Variants in RALYL observed in about 807,000 individuals in gnomAD.
RALYL encodes the protein RNA-binding Raly-like protein.
Under a neutral mutation model 35.1 loss-of-function variants are expected in RALYL, and 29 were observed. The observed-to-expected ratio is 0.83, with a 90% CI of 0.61 to 1.13. RALYL has a LOEUF of 1.13. RALYL is among the 50% of genes most tolerant of loss of function. RALYL has a pLI of 0.00. For synonymous variants in RALYL, 120 were observed against 127.6 expected, an observed-to-expected ratio of 0.94 and a Z score of 0.40; for missense variants, 359 against 360.4, an observed-to-expected ratio of 1.00 and a Z score of 0.03.
intron 1 of RALYL, among the ~76,000 whole-genome samples, chr8:84,278,262 A>T (rs1472823345): frequency 1.3e-5 from 2 of 152,266 alleles, no homozygotes; most frequent in African/African-American, 4.8e-5. Flanking sequence ...CCTGAGCTGT[A>T]CATCGGCCCC....
chr8:84,547,645 C>A (rs1437751865), intron 2 of RALYL, among the ~76,000 whole-genome samples: 1 of 152,032 alleles, frequency 6.6e-6, no homozygotes, highest in Non-Finnish European at 1.5e-5. Flanking sequence ...TCCCAAAGTG[C>A]TGGGATTACA....
chr8:84,674,979 A>G (rs1833924632), intron 2 of RALYL, among the ~76,000 whole-genome samples: 1 of 133,792 alleles, frequency 7.5e-6, no homozygotes, highest in Non-Finnish European at 1.5e-5. Flanking sequence ...GTGCAGATGT[A>G]AAAAAAAAAA....
intron 1 of RALYL, among the ~76,000 whole-genome samples, chr8:84,485,308 A>C (rs749923055): frequency 6.6e-6 from 1 of 152,106 alleles, no homozygotes; most frequent in Non-Finnish European, 1.5e-5. Context: ...TACTGATATG[A>C]CTGGGAACGG....
At chr8:84,840,399 T>C (rs900999313) in intron 4 of RALYL, among the ~76,000 whole-genome samples, 1 of 151,754 alleles carries the variant, frequency 6.6e-6, no homozygotes, top group Non-Finnish European at 1.5e-5. Flanking sequence ...TGAAATGAAG[T>C]GAGAAGAGAA....
At chr8:84,234,810 G>C (rs1333723233) in intron 1 of RALYL, among the ~76,000 whole-genome samples, 1 of 151,314 alleles carries the variant, frequency 6.6e-6, no homozygotes, top group East Asian at 1.9e-4. Flanking sequence ...TGTAGCCCAG[G>C]CTGGAGTGCA....
intron 6 of RALYL, among the ~76,000 whole-genome samples, chr8:84,863,654 T>C (rs2135085830): frequency 6.6e-6 from 1 of 152,310 alleles, no homozygotes; most frequent in East Asian, 1.9e-4. Flanking sequence ...ATTTCAGCAC[T>C]ATACTGAGAT....
At chr8:84,801,044 A>G (rs1394472704) in intron 3 of RALYL, among the ~76,000 whole-genome samples, 1 of 152,212 alleles carries the variant, frequency 6.6e-6, no homozygotes, top group Admixed American at 6.5e-5. Context: ...CCTGAATCAT[A>G]CCAAGCCTAG....
chr8:84,366,893 A>AT (rs144363413), intron 1 of RALYL, among the ~76,000 whole-genome samples: 7,140 of 151,674 alleles, frequency 0.047, 232 homozygotes, highest in African/African-American at 0.082. Flanking sequence ...GTCAAATCAG[A>AT]TTTTCACAAC....
At chr8:84,348,012 T>C (rs560179576) in intron 1 of RALYL, among the ~76,000 whole-genome samples, 1 of 152,086 alleles carries the variant, frequency 6.6e-6, no homozygotes, top group Non-Finnish European at 1.5e-5. Context: ...TTGCTTTTTT[T>C]GGGCATGGTG....
intron 1 of RALYL, among the ~76,000 whole-genome samples, chr8:84,230,460 A>C (rs908661867): frequency 6.6e-6 from 1 of 152,160 alleles, no homozygotes; most frequent in Non-Finnish European, 1.5e-5. Context: ...TATACTAATG[A>C]ATGTTATAAA....
At chr8:84,459,481 G>C (rs933485362) in intron 1 of RALYL, among the ~76,000 whole-genome samples, 3 of 151,736 alleles carry the variant, frequency 2.0e-5, no homozygotes, top group Non-Finnish European at 2.9e-5. Context: ...AATCATTAAA[G>C]GTGTTGTAGG....
chr8:84,593,583 G>A (rs1318916802), intron 2 of RALYL, among the ~76,000 whole-genome samples: 1 of 152,086 alleles, frequency 6.6e-6, no homozygotes, highest in Non-Finnish European at 1.5e-5. Flanking sequence ...TTCTCACAGA[G>A]TAGAAGACTT....
intron 2 of RALYL, among the ~76,000 whole-genome samples, chr8:84,597,474 A>G (rs551453440): frequency 6.6e-6 from 1 of 152,208 alleles, no homozygotes; most frequent in Non-Finnish European, 1.5e-5. Flanking sequence ...GCCTCACATG[A>G]GTCCTATACT....
intron 1 of RALYL, among the ~76,000 whole-genome samples, chr8:84,331,095 T>A (rs994685389): frequency 4.6e-5 from 7 of 152,094 alleles, no homozygotes; most frequent in African/African-American, 7.2e-5. Context: ...GTGAATATTC[T>A]GCTTATTGGA....
chr8:84,659,562 A>G (rs1830537218), intron 2 of RALYL, among the ~76,000 whole-genome samples: 1 of 152,178 alleles, frequency 6.6e-6, no homozygotes. Flanking sequence ...CAGTTTAATA[A>G]TAAGCTTAAG....
intron 1 of RALYL, among the ~76,000 whole-genome samples, chr8:84,358,998 T>A (rs968540128): frequency 6.6e-6 from 1 of 152,040 alleles, no homozygotes; most frequent in Non-Finnish European, 1.5e-5. Context: ...TACTTAAATA[T>A]AAATATGTAT....
chr8:84,646,849 C>T (rs1392822064), intron 2 of RALYL, among the ~76,000 whole-genome samples: 1 of 152,108 alleles, frequency 6.6e-6, no homozygotes, highest in African/African-American at 2.4e-5. Flanking sequence ...TTAGGAACCA[C>T]CAAGTTCTGA....
At chr8:84,324,608 C>T (rs983703918) in intron 1 of RALYL, among the ~76,000 whole-genome samples, 2 of 149,072 alleles carry the variant, frequency 1.3e-5, no homozygotes, top group African/African-American at 2.5e-5. Context: ...TTTTTGTAAA[C>T]TTTTCCAGGT....
At chr8:84,284,025 T>C (rs1224681872) in intron 1 of RALYL, among the ~76,000 whole-genome samples, 1 of 152,162 alleles carries the variant, frequency 6.6e-6, no homozygotes, top group East Asian at 1.9e-4. Flanking sequence ...GGATACTGAC[T>C]ATAATACAAA....
Sources: allele counts gnomAD v4.1 joint callset (sites outside exome capture counted in the v4.1 genomes callset), GRCh38; gene constraint gnomAD v4.1.1; transcripts MANE v1.5; gene names NCBI Gene and HGNC (gene_info 2026-07-23, HGNC 2026-07-21).